Variants in ZFAT observed in about 807,000 individuals in gnomAD.
ZFAT encodes zinc finger and AT-hook domain containing, also known as zinc finger protein ZFAT.
ZFAT carries 64 observed loss-of-function variants against 117.7 expected under a neutral mutation model. The ratio of observed to expected loss-of-function variants is 0.54; its 90% CI spans 0.44 to 0.67. The LOEUF (loss-of-function observed/expected upper bound fraction) is 0.67, where lower values mean the gene tolerates loss of function less well. Among genes scored for constraint, ZFAT ranks in the 30% least tolerant of loss-of-function variants. The probability of loss-of-function intolerance (pLI) is 0.00; values close to 1 mark genes in which losing one functional copy is unlikely to be tolerated. For missense variants in ZFAT, 1,433 were observed against 1,584.5 expected (o/e 0.90, Z 1.62); for synonymous variants, 679 against 615.0 (o/e 1.10, Z -1.54).
At chr8:134,636,778 C>T (rs1830236562) in intron 3 of ZFAT, among the ~76,000 whole-genome samples, 1 of 152,248 alleles carries the variant, frequency 6.6e-6, no homozygotes, top group African/African-American at 2.4e-5. Context: ...CATCTGCAGA[C>T]ACACTACCCC....
the ZFAT span, among the ~76,000 whole-genome samples, chr8:134,782,804 A>C: frequency 6.7e-6 from 1 of 148,598 alleles, no homozygotes; most frequent in Non-Finnish European, 1.5e-5. Context: ...TAAATTACCC[A>C]GTCTCGGGTA....
At chr8:134,579,111 T>C (rs1179972859) in intron 10 of ZFAT, among the ~76,000 whole-genome samples, 5 of 152,120 alleles carry the variant, frequency 3.3e-5, no homozygotes, top group Non-Finnish European at 5.9e-5. Flanking sequence ...GGGACGAAGA[T>C]TGGGAGCTTA....
At position 134,478,731 on chromosome 8, in the gene ZFAT, G is replaced by T; in HGVS notation, c.3493-10C>A. On this transcript the variant is annotated splice_polypyrimidine_tract_variant and intron_variant, in intron 15 of 15. Coordinates refer to ENST00000377838, the MANE Select transcript of ZFAT (RefSeq NM_020863.4). The surrounding 1 kb of genome is among the most constrained non-coding windows in gnomAD (Gnocchi z 5.2). ...GCTCCTCCTCGGTGACCTGCGGGAG[G>T]AGGGCAAGAGAAAGGTCACCCAGCG... 1 of 1,546,282 alleles carries T rather than the reference G, an allele frequency of 6.5e-7. No homozygotes were observed. Among genetic ancestry groups the T allele is most frequent in the South Asian group, 1.2e-5 (1 of 84,158 alleles).
chr8:134,724,988 T>C, the ZFAT span, among the ~76,000 whole-genome samples: 1 of 152,176 alleles, frequency 6.6e-6, no homozygotes, highest in East Asian at 1.9e-4. Context: ...GCAGGTTCTT[T>C]AAAGCCCCTC....
intron 1 of ZFAT, among the ~76,000 whole-genome samples, chr8:134,706,053 T>C (rs1441798678): frequency 1.3e-5 from 2 of 152,206 alleles, no homozygotes; most frequent in East Asian, 3.8e-4. Context: ...TTCTCTGACG[T>C]TGCTGATGGG....
chr8:134,519,404 T>A (rs1820481997), intron 13 of ZFAT, among the ~76,000 whole-genome samples: 1 of 152,224 alleles, frequency 6.6e-6, no homozygotes, highest in Non-Finnish European at 1.5e-5. Context: ...ATGGGGGTTT[T>A]GTTTCCATTG....
intron 1 of ZFAT, among the ~76,000 whole-genome samples, chr8:134,706,214 G>C (rs190339444): frequency 2.2e-4 from 33 of 152,286 alleles, no homozygotes; most frequent in Non-Finnish European, 1.5e-5. Flanking sequence ...GCTTGTACGG[G>C]AACATTCACT....
chr8:134,770,641 G>C, the ZFAT span, among the ~76,000 whole-genome samples: 2 of 152,180 alleles, frequency 1.3e-5, no homozygotes, highest in African/African-American at 4.8e-5. Flanking sequence ...GCAATGTTTA[G>C]GAAACAAGAG....
upstream of ZFAT, among the ~76,000 whole-genome samples, chr8:134,715,301 G>A (rs893675999): frequency 6.6e-6 from 1 of 152,214 alleles, no homozygotes; most frequent in East Asian, 1.9e-4. Context: ...ATGGTTCTGG[G>A]TTAATTATTT....
At position 134,488,357 on chromosome 8, in the gene ZFAT, C is replaced by T. The variant is rs1249734306; in HGVS notation, c.3493-9636G>A. 2.0e-5 allele frequency among the ~76,000 whole-genome samples: 3 copies of T among 152,216 alleles called. No homozygotes were observed. The South Asian group carries it at 6.2e-4, about 32-fold the overall frequency. ...CAGGTGTGAAAGGCCAGTGCTTGTG[C>T]TGAGCTGCTAGACTGGAAAGCTGTC... On this transcript the variant is annotated intron_variant, in intron 15 of 15. Coordinates refer to ENST00000377838, the MANE Select transcript of ZFAT (RefSeq NM_020863.4).
At chr8:134,586,127 G>A (rs1309007157) in intron 9 of ZFAT, among the ~76,000 whole-genome samples, 1 of 152,124 alleles carries the variant, frequency 6.6e-6, no homozygotes, top group Non-Finnish European at 1.5e-5. Context: ...TTTCCTTTGT[G>A]ATTCCTTCAT....
intron 1 of ZFAT, among the ~76,000 whole-genome samples, chr8:134,702,182 T>C (rs1834027345): frequency 6.6e-6 from 1 of 152,222 alleles, no homozygotes; most frequent in Non-Finnish European, 1.5e-5. Context: ...TCCAGAACTA[T>C]AAGAAATAAA....
chr8:134,617,886 G>C (rs1828856608), intron 3 of ZFAT, among the ~76,000 whole-genome samples: 1 of 152,182 alleles, frequency 6.6e-6, no homozygotes. Flanking sequence ...GTATCTCCCA[G>C]AATTCCCACG....
chr8:134,488,186 A>G (rs769952885), intron 15 of ZFAT, among the ~76,000 whole-genome samples: 42 of 152,260 alleles, frequency 2.8e-4, no homozygotes, highest in Non-Finnish European at 4.1e-4. Flanking sequence ...TGGGGCCTTC[A>G]TACAGGTAAA....
At chr8:134,747,637 A>G in the ZFAT span, among the ~76,000 whole-genome samples, 8 of 152,258 alleles carry the variant, frequency 5.3e-5, no homozygotes, top group African/African-American at 9.6e-5. Context: ...ATACATTTAT[A>G]GAACTTGTAA....
At chr8:134,525,856 A>G (rs1219310240) in intron 12 of ZFAT, among the ~76,000 whole-genome samples, 1 of 152,250 alleles carries the variant, frequency 6.6e-6, no homozygotes, top group Non-Finnish European at 1.5e-5. Flanking sequence ...GCTCAGATGG[A>G]TGTTTATTTT....
At chr8:134,666,823 A>G (rs1832249053) in intron 1 of ZFAT, among the ~76,000 whole-genome samples, 1 of 152,238 alleles carries the variant, frequency 6.6e-6, no homozygotes, top group South Asian at 2.1e-4. Flanking sequence ...AAAAGAGAGT[A>G]GAAGTGGGAA....
chr8:134,696,040 C>A (rs1405400212), intron 1 of ZFAT, among the ~76,000 whole-genome samples: 1 of 150,662 alleles, frequency 6.6e-6, no homozygotes, highest in African/African-American at 2.4e-5. Context: ...ACCAAGGAGG[C>A]ACCATCCCCA....
chr8:134,810,953 A>C, the ZFAT span, among the ~76,000 whole-genome samples: 1 of 152,062 alleles, frequency 6.6e-6, no homozygotes, highest in Non-Finnish European at 1.5e-5. Flanking sequence ...AATCAGTAAC[A>C]CTAGCTAGCA....
Sources: allele counts gnomAD v4.1 joint callset (sites outside exome capture counted in the v4.1 genomes callset), GRCh38; gene constraint gnomAD v4.1.1; non-coding constraint Gnocchi (gnomAD v3.1); transcripts MANE v1.5; gene names NCBI Gene and HGNC (gene_info 2026-07-23, HGNC 2026-07-21).